The following AKT3 variants were observed in gnomAD, a reference collection of about 807,000 sequenced individuals.
The protein encoded by AKT3 is AKT serine/threonine kinase 3.
Under a neutral mutation model 65.3 loss-of-function variants are expected in AKT3, and 15 were observed. That is an observed-to-expected ratio of 0.23 (90% confidence interval 0.15 to 0.35). The LOEUF is 0.35. Ranked by LOEUF, AKT3 falls within the 10% of genes least tolerant of loss-of-function variation. The probability of loss-of-function intolerance (pLI) is 1.00; values close to 1 mark genes in which losing one functional copy is unlikely to be tolerated. For synonymous variants in AKT3, 206 were observed against 183.8 expected, an observed-to-expected ratio of 1.12 and a Z score of -0.98; for missense variants, 243 against 576.5, an observed-to-expected ratio of 0.42 and a Z score of 5.92.
chr1:243,698,886 A>G (rs1685232081), intron 2 of AKT3, among the ~76,000 whole-genome samples: 1 of 151,290 alleles, frequency 6.6e-6, no homozygotes, highest in African/African-American at 2.4e-5. Flanking sequence ...GAATGCATTC[A>G]TTATTAATTT....
At chr1:243,646,063 T>C in intron 4 of AKT3, 26 bp from the exon 5 acceptor site, 2 of 1,558,460 alleles carry the variant, frequency 1.3e-6, no homozygotes, top group Non-Finnish European at 1.7e-6. Flanking sequence ...AAATTTCCCA[T>C]TAATAGAAGA....
intron 2 of AKT3, among the ~76,000 whole-genome samples, chr1:243,727,236 T>G (rs907380336): frequency 1.4e-4 from 21 of 152,126 alleles, no homozygotes; most frequent in African/African-American, 4.8e-4. Context: ...AAGACAACAT[T>G]TAATCCTAGG....
intron 2 of AKT3, among the ~76,000 whole-genome samples, chr1:243,784,719 G>A (rs1433434627): frequency 1.3e-5 from 2 of 152,128 alleles, no homozygotes; most frequent in Non-Finnish European, 2.9e-5. Flanking sequence ...TAGCCCTCAT[G>A]CTGCACATGC....
At chr1:243,750,276 C>T (rs1688721554) in intron 2 of AKT3, among the ~76,000 whole-genome samples, 2 of 152,062 alleles carry the variant, frequency 1.3e-5, no homozygotes, top group African/African-American at 2.4e-5. Flanking sequence ...CAAATTTTAT[C>T]TTGCATTAAC....
intron 5 of AKT3, among the ~76,000 whole-genome samples, chr1:243,638,746 T>A (rs1032364741): frequency 2.0e-5 from 3 of 151,942 alleles, no homozygotes; most frequent in Non-Finnish European, 2.9e-5. Context: ...TTTTATAACT[T>A]TTTTTTTCTG....
intron 1 of AKT3, among the ~76,000 whole-genome samples, chr1:243,844,381 A>T (rs1446647344): frequency 1.3e-5 from 2 of 152,254 alleles, no homozygotes; most frequent in African/African-American, 4.8e-5. Context: ...GAGTAAAGGC[A>T]TACATACTTG....
intron 4 of AKT3, among the ~76,000 whole-genome samples, chr1:243,658,864 CAA>C (rs58117921): frequency 1.6e-3 from 135 of 82,874 alleles, no homozygotes; most frequent in Middle Eastern, 0.014. Context: ...CTTGTCTCTA[CAA>C]AAAAAAAAAA....
intron 2 of AKT3, among the ~76,000 whole-genome samples, chr1:243,737,267 C>G (rs549771876): frequency 1.9e-4 from 29 of 152,294 alleles, no homozygotes; most frequent in African/African-American, 7.0e-4. Context: ...GGTGATAGCG[C>G]TTTCCTCATA....
At chr1:243,841,533 A>T (rs1203005987) in intron 2 of AKT3, among the ~76,000 whole-genome samples, 1 of 152,214 alleles carries the variant, frequency 6.6e-6, no homozygotes, top group Non-Finnish European at 1.5e-5. Flanking sequence ...AATTTATAAC[A>T]GGAGAATGAC....
chr1:243,662,150 A>G (rs1246953002), intron 4 of AKT3, among the ~76,000 whole-genome samples: 1 of 152,090 alleles, frequency 6.6e-6, no homozygotes, highest in Non-Finnish European at 1.5e-5. Flanking sequence ...CAGTGTGGCC[A>G]TTCCTCAGGG....
intron 3 of AKT3, among the ~76,000 whole-genome samples, chr1:243,689,275 T>C (rs938165212): frequency 6.6e-6 from 1 of 152,124 alleles, no homozygotes; most frequent in Admixed American, 6.6e-5. Flanking sequence ...ATAATTCATG[T>C]ACATTTATAT....
At chr1:243,772,215 T>C (rs1315732530) in intron 2 of AKT3, among the ~76,000 whole-genome samples, 2 of 152,080 alleles carry the variant, frequency 1.3e-5, no homozygotes, top group Admixed American at 6.5e-5. Flanking sequence ...AAAGAGCTTC[T>C]GCACAGCAAA....
At chr1:243,545,618 T>G in intron 11 of AKT3, 21 bp from the exon 12 acceptor site, 4 of 1,533,636 alleles carry the variant, frequency 2.6e-6, no homozygotes, top group South Asian at 2.3e-5. Flanking sequence ...AGAAATAAAA[T>G]TAAGTAAGTA....
chr1:243,786,075 T>C (rs1691244198), intron 2 of AKT3, among the ~76,000 whole-genome samples: 2 of 152,208 alleles, frequency 1.3e-5, no homozygotes, highest in Admixed American at 1.3e-4. Flanking sequence ...ACAGTTAGGA[T>C]TTTTTCTTCT....
intron 5 of AKT3, among the ~76,000 whole-genome samples, chr1:243,644,401 C>G (rs567615476): frequency 7.0e-4 from 107 of 152,100 alleles, no homozygotes; most frequent in Non-Finnish European, 1.3e-3. Flanking sequence ...GATCTTACTG[C>G]CTGGGGTTAA....
intron 6 of AKT3, among the ~76,000 whole-genome samples, chr1:243,629,289 G>C (rs11585986): frequency 0.51 from 76,977 of 151,918 alleles, 23,468 homozygotes; most frequent in Non-Finnish European, 0.67. Context: ...AAATAAATAA[G>C]TAAACAAAAT....
intron 3 of AKT3, among the ~76,000 whole-genome samples, chr1:243,689,469 T>C (rs758779711): frequency 1.3e-5 from 2 of 149,760 alleles, no homozygotes; most frequent in Non-Finnish European, 3.0e-5. Context: ...CTGTATATAA[T>C]ATTTATTCAA....
chr1:243,505,164 G>C lies in AKT3; in HGVS notation c.*85C>G. On this transcript the variant is annotated 3_prime_UTR_variant, in exon 14 of 14. Transcript: ENST00000673466. Reference sequence around the variant, plus strand: ...GGATGTCGGAAGGTGCCCCTGCTATGTGTAAGAGCTAGGACTGGTGATGTC... The same window carrying C: ...GGATGTCGGAAGGTGCCCCTGCTATCTGTAAGAGCTAGGACTGGTGATGTC... The C allele has an allele frequency of 7.7e-7, 1 of 1,297,670 alleles. No individual in the cohort carries two copies. Among genetic ancestry groups the C allele is most frequent in the Non-Finnish European group, 1.1e-6 (1 of 904,982 alleles). The allele number at this position is 1,297,670 out of a possible 1,614,324, so 80.4% of individuals were successfully genotyped here. A position where few individuals can be genotyped will look rare whatever the true frequency, so the allele number is the denominator to read the frequency against.
intron 10 of AKT3, among the ~76,000 whole-genome samples, chr1:243,562,586 G>A (rs1673871465): frequency 6.6e-6 from 1 of 152,096 alleles, no homozygotes. Context: ...GTGTTCCCTA[G>A]GACATTTGCT....
Sources: gnomAD v4.1 joint callset for allele counts (sites outside exome capture counted in the v4.1 genomes callset) on GRCh38, gnomAD v4.1.1 for gene constraint, MANE v1.5 for transcripts, NCBI Gene and HGNC (gene_info 2026-07-23, HGNC 2026-07-21) for gene names.